IGF2BP2: variants seen among roughly 807,000 people sequenced by gnomAD.
IGF2BP2 encodes the protein insulin like growth factor 2 mRNA binding protein 2.
A neutral mutation model predicts 75.8 loss-of-function variants in IGF2BP2; 17 were observed. The observed-to-expected ratio is 0.22, with a 90% CI of 0.15 to 0.34. The LOEUF is 0.34. IGF2BP2 is among the 10% of genes least tolerant of loss of function. IGF2BP2 has a pLI of 1.00. For synonymous variants in IGF2BP2, 288 were observed against 295.6 expected, an observed-to-expected ratio of 0.97 and a Z score of 0.26; for missense variants, 516 against 772.4, an observed-to-expected ratio of 0.67 and a Z score of 3.93.
intron 2 of IGF2BP2, among the ~76,000 whole-genome samples, chr3:185,740,872 T>A (rs1295683557): frequency 6.6e-6 from 1 of 152,214 alleles, no homozygotes; most frequent in East Asian, 1.9e-4. Flanking sequence ...TTTCTTTTTT[T>A]ATTTTATTTT....
Position 185,695,751 on chromosome 3 carries a change from G to A in IGF2BP2, c.340+861C>T, listed in dbSNP as rs571593751. The stretch of plus-strand genomic sequence containing the variant: ...ATTTGCAGCACTGCTCCTGAGACAG[G>A]TGTTCTCAAACTTGAGTGTACACAA... On this transcript the variant is annotated intron_variant, in intron 4 of 15. Transcript: ENST00000382199. 1.6e-4 allele frequency among the ~76,000 whole-genome samples: 25 copies of A among 152,302 alleles called. No homozygotes were observed. The South Asian group carries it at 4.6e-3, about 28-fold the overall frequency.
intron 2 of IGF2BP2, among the ~76,000 whole-genome samples, chr3:185,751,534 G>GC (rs1730964359): frequency 6.9e-6 from 1 of 144,870 alleles, no homozygotes; most frequent in African/African-American, 2.6e-5. Flanking sequence ...ATTGCTACTA[G>GC]TATTCTCCTG....
chr3:185,713,556 G>A (rs1350514417), intron 2 of IGF2BP2: 2 of 503,160 alleles, frequency 4.0e-6, no homozygotes, highest in Non-Finnish European at 7.9e-6. Flanking sequence ...ACATCAGAAT[G>A]AAAATTGTTT....
intron 2 of IGF2BP2, among the ~76,000 whole-genome samples, chr3:185,736,316 A>C (rs1297383424): frequency 6.6e-6 from 1 of 151,018 alleles, no homozygotes. Flanking sequence ...CAAACACCAC[A>C]CTCCTCCTTT....
chr3:185,713,435 C>T (rs755982242), intron 2 of IGF2BP2: 7 of 519,888 alleles, frequency 1.3e-5, no homozygotes, highest in Admixed American at 1.2e-4. Context: ...TTAATGGCAA[C>T]ACCACTAGAT....
chr3:185,649,296 G>A lies in IGF2BP2; in HGVS notation c.1593+107C>T. ...CCTTAGTTTATCTGCCAAAGACCCT[G>A]ACTGTACATTGGGACAGAAGGCGCC... On this transcript the variant is annotated intron_variant, in intron 14 of 15. Transcript: ENST00000382199. 9.2e-6 allele frequency: 13 copies of A among 1,415,740 alleles called. No homozygotes were observed. The South Asian group carries it at 1.7e-4, about 19-fold the overall frequency. The allele number at this position is 1,415,740 out of a possible 1,614,324, so 87.7% of individuals were successfully genotyped here.
At chr3:185,773,981 G>C (rs1214342771) in intron 2 of IGF2BP2, among the ~76,000 whole-genome samples, 1 of 152,138 alleles carries the variant, frequency 6.6e-6, no homozygotes, top group Non-Finnish European at 1.5e-5. Context: ...TGGAAGTCCT[G>C]ACTTCACTGA....
At chr3:185,662,600 G>C (rs1412312453) in intron 10 of IGF2BP2, among the ~76,000 whole-genome samples, 1 of 144,358 alleles carries the variant, frequency 6.9e-6, no homozygotes, top group Non-Finnish European at 1.5e-5. Flanking sequence ...CTGGAGTGCA[G>C]TGGCATGATC....
At chr3:185,723,123 G>A (rs559569205) in intron 2 of IGF2BP2, among the ~76,000 whole-genome samples, 30 of 152,152 alleles carry the variant, frequency 2.0e-4, no homozygotes, top group Non-Finnish European at 2.9e-4. Context: ...GATCTGCTGA[G>A]GTTTATGTGG....
At chr3:185,772,378 G>A (rs989040473) in intron 2 of IGF2BP2, among the ~76,000 whole-genome samples, 2 of 152,018 alleles carry the variant, frequency 1.3e-5, no homozygotes, top group South Asian at 2.1e-4. Context: ...CCTTCCACAC[G>A]ATATCTAAAT....
intron 10 of IGF2BP2, among the ~76,000 whole-genome samples, chr3:185,666,795 T>A (rs999185238): frequency 6.6e-6 from 1 of 152,110 alleles, no homozygotes; most frequent in African/African-American, 2.4e-5. Flanking sequence ...TAGGAAAATA[T>A]AAATCAACAA....
At chr3:185,661,635 CAAAAAAAAAAA>C (rs562781189) in intron 10 of IGF2BP2, among the ~76,000 whole-genome samples, 3 of 39,616 alleles carry the variant, frequency 7.6e-5, no homozygotes, top group Non-Finnish European at 1.6e-4. Flanking sequence ...AAGACTGTCT[CAAAAAAAAAAA>C]AAAAAAAAAA....
intron 2 of IGF2BP2, among the ~76,000 whole-genome samples, chr3:185,732,964 C>T (rs757899845): frequency 6.6e-6 from 1 of 152,210 alleles, no homozygotes; most frequent in Non-Finnish European, 1.5e-5. Context: ...CCTCCCCCAA[C>T]CTGCCCACCA....
chr3:185,789,401 CT>C, intron 2 of IGF2BP2, among the ~76,000 whole-genome samples: 1 of 152,232 alleles, frequency 6.6e-6, no homozygotes, highest in African/African-American at 2.4e-5. Context: ...ATTTGTCAAA[CT>C]TAAGCTGGGG....
chr3:185,708,743 A>C (rs912377594), intron 2 of IGF2BP2, among the ~76,000 whole-genome samples: 1 of 152,248 alleles, frequency 6.6e-6, no homozygotes, highest in Middle Eastern at 3.4e-3. Context: ...TCTACAGGGA[A>C]GGGCAGAGTG....
At chr3:185,648,463 CAAAA>C (rs560603469) in intron 14 of IGF2BP2, among the ~76,000 whole-genome samples, 3 of 51,346 alleles carry the variant, frequency 5.8e-5, no homozygotes, top group Admixed American at 2.1e-4. Context: ...AACTCTGTCT[CAAAA>C]AAAAAAAAAA....
intron 2 of IGF2BP2, among the ~76,000 whole-genome samples, chr3:185,801,014 G>GA (rs994921812): frequency 2.3e-4 from 33 of 144,102 alleles, no homozygotes; most frequent in African/African-American, 5.3e-4. Flanking sequence ...AAACTTATAA[G>GA]AAAAAAAAAC....
At chr3:185,699,168 G>GA (rs1186156098) in intron 2 of IGF2BP2, among the ~76,000 whole-genome samples, 1 of 151,978 alleles carries the variant, frequency 6.6e-6, no homozygotes, top group Non-Finnish European at 1.5e-5. Flanking sequence ...AAAAACAAAT[G>GA]AAAAACCCAA....
chr3:185,792,121 C>G lies in IGF2BP2; in HGVS notation c.239+31032G>C, dbSNP rs531154846. Among the ~76,000 whole-genome samples, 20 of 152,332 alleles carry G rather than the reference C, an allele frequency of 1.3e-4. No homozygotes were observed. The South Asian group carries it at 3.5e-3, about 27-fold the overall frequency. ...CATCTTACTAAAGATATTACTACTACTGCTACCATCGGCTTGAATACATGA... is the reference window on the plus strand; with the variant it reads ...CATCTTACTAAAGATATTACTACTAGTGCTACCATCGGCTTGAATACATGA... On this transcript the variant is annotated intron_variant, in intron 2 of 15. Coordinates refer to ENST00000382199, the MANE Select transcript of IGF2BP2 (RefSeq NM_006548.6).
Sources: allele counts gnomAD v4.1 joint callset (sites outside exome capture counted in the v4.1 genomes callset), GRCh38; gene constraint gnomAD v4.1.1; transcripts MANE v1.5; gene names NCBI Gene and HGNC (gene_info 2026-07-23, HGNC 2026-07-21).